The following DRAM2 variants were observed in gnomAD, a reference collection of about 807,000 sequenced individuals.
DRAM2 encodes DNA damage regulated autophagy modulator 2.
In DRAM2, 26 loss-of-function variants were observed where a neutral mutation model predicts 33.5. The observed-to-expected ratio is 0.78, with a 90% CI of 0.57 to 1.08. DRAM2 has a LOEUF of 1.08. Ranked by LOEUF, DRAM2 falls within the 50% of genes least tolerant of loss-of-function variation. DRAM2 has a pLI of 0.00. For synonymous variants in DRAM2, 98 were observed against 109.5 expected (o/e 0.89, Z 0.66); for missense variants, 311 against 318.1 (o/e 0.98, Z 0.17).
intron 3 of DRAM2, 48 bp downstream of exon 3, chr1:111,137,475 G>A (rs538919912): frequency 6.6e-6 from 1 of 152,234 alleles, no homozygotes; most frequent in African/African-American, 2.4e-5. Context: ...TATTTTCAGA[G>A]ATGATCAGTA....
At chr1:111,131,329 T>C in intron 4 of DRAM2, 95 bp downstream of exon 4, 2 of 1,341,592 alleles carry the variant, frequency 1.5e-6, no homozygotes, top group Non-Finnish European at 2.0e-6. Flanking sequence ...ATGTAAAATC[T>C]GATTTTTAAA....
At chr1:111,122,340 G>A (rs1650203604) in intron 6 of DRAM2, among the ~76,000 whole-genome samples, 2 of 152,204 alleles carry the variant, frequency 1.3e-5, no homozygotes, top group South Asian at 4.1e-4. Flanking sequence ...TCAGATGAGA[G>A]ATGATGAAAT....
chr1:111,137,029 G>A (rs550428957), intron 3 of DRAM2, among the ~76,000 whole-genome samples: 7 of 150,254 alleles, frequency 4.7e-5, no homozygotes, highest in Admixed American at 1.3e-4. Flanking sequence ...CGAGGCAGGC[G>A]GATCACGAGG....
intron 4 of DRAM2, 42 bp from the exon 5 acceptor site, chr1:111,126,336 A>G: frequency 9.0e-7 from 1 of 1,116,328 alleles, no homozygotes; most frequent in Non-Finnish European, 1.4e-6. Context: ...CTCATACTAG[A>G]TAAACACATA....
chr1:111,137,463 CT>C (rs1223646095), intron 3 of DRAM2, 59 bp downstream of exon 3: 1 of 152,074 alleles, frequency 6.6e-6, no homozygotes, highest in Middle Eastern at 3.2e-3. Flanking sequence ...AAATAAGATA[CT>C]TATTTTCAGA....
intron 6 of DRAM2, among the ~76,000 whole-genome samples, chr1:111,121,848 C>T (rs1284253371): frequency 6.6e-6 from 1 of 151,764 alleles, no homozygotes; most frequent in African/African-American, 2.4e-5. Context: ...GTGAACGTTT[C>T]GAAACCATTG....
At chr1:111,130,713 AGTT>A (rs1557896310) in intron 4 of DRAM2, among the ~76,000 whole-genome samples, 18 of 149,190 alleles carry the variant, frequency 1.2e-4, no homozygotes, top group East Asian at 2.0e-4. Flanking sequence ...AAAAAAAAAA[AGTT>A]TGGGTGCAGT....
chr1:111,126,753 T>C (rs562217566), intron 4 of DRAM2, among the ~76,000 whole-genome samples: 3 of 152,312 alleles, frequency 2.0e-5, no homozygotes, highest in Admixed American at 2.0e-4. Context: ...GCACTTACCA[T>C]GTGCCAGACA....
chr1:111,138,780 TAAAA>T, intron 2 of DRAM2, among the ~76,000 whole-genome samples: 1 of 151,368 alleles, frequency 6.6e-6, no homozygotes, highest in East Asian at 1.9e-4. Context: ...GATACTCCAT[TAAAA>T]AAAAAGAAAA....
intron 2 of DRAM2, among the ~76,000 whole-genome samples, 174 bp downstream of exon 2, chr1:111,139,327 G>C (rs1653987407): frequency 6.6e-6 from 1 of 152,192 alleles, no homozygotes; most frequent in South Asian, 2.1e-4. Context: ...GCACGGTTGT[G>C]AAGATACCCA....
intron 5 of DRAM2, 29 bp from the exon 6 acceptor site, chr1:111,124,910 A>C: frequency 6.2e-7 from 1 of 1,604,014 alleles, no homozygotes; most frequent in Non-Finnish European, 8.5e-7. Context: ...AAAAACAACA[A>C]AGTAATAAAT....
In DRAM2 at chr1:111,117,856, T is replaced by G; in HGVS notation, c.*304A>C. On this transcript the variant is annotated 3_prime_UTR_variant, in exon 10 of 10. Coordinates refer to ENST00000484310, the MANE Select transcript of DRAM2 (RefSeq NM_001349884.2). ...TGAAGGGTTGGGATGTGCAGACTGA[T>G]TGGTGCACGTCAGGTTGTTTCTCTT... The G allele has an allele frequency of 1.3e-5, 4 of 308,368 alleles. No individual in the cohort carries two copies. Among genetic ancestry groups the G allele is most frequent in the East Asian group, 8.0e-5 (1 of 12,496 alleles). The allele number at this position is 308,368 out of a possible 1,614,324, so 19.1% of individuals were successfully genotyped here. A position where few individuals can be genotyped will look rare whatever the true frequency, so the allele number is the denominator to read the frequency against.
chr1:111,126,924 A>G (rs1411345211), intron 4 of DRAM2, among the ~76,000 whole-genome samples: 1 of 152,064 alleles, frequency 6.6e-6, no homozygotes, highest in Non-Finnish European at 1.5e-5. Context: ...AACTTCTATA[A>G]ACTCACTTAC....
intron 8 of DRAM2, 188 bp downstream of exon 8, chr1:111,119,689 T>A (rs1414482955): frequency 1.7e-6 from 1 of 576,720 alleles, no homozygotes; most frequent in Non-Finnish European, 3.1e-6. Context: ...TATCTACAGA[T>A]CACAGGTGAC....
intron 8 of DRAM2, 95 bp downstream of exon 8, chr1:111,119,782 C>T: frequency 1.9e-6 from 2 of 1,034,408 alleles, no homozygotes; most frequent in African/African-American, 1.6e-5. Flanking sequence ...TACCAGAAGA[C>T]TTTCATTGTT....
chr1:111,118,494 A>C, intron 9 of DRAM2: 3 of 499,002 alleles, frequency 6.0e-6, no homozygotes, highest in Non-Finnish European at 1.0e-5. Flanking sequence ...TCTACTAAGA[A>C]TCAGTAAAAC....
At chr1:111,120,949 T>C (rs1319884405) in intron 6 of DRAM2, among the ~76,000 whole-genome samples, 1 of 152,180 alleles carries the variant, frequency 6.6e-6, no homozygotes, top group Admixed American at 6.6e-5. Context: ...TTTATTATTT[T>C]CTTCATTTAA....
Position 111,118,072 on chromosome 1 carries a change from A to C in DRAM2, c.*88T>G. 1 of 1,293,244 alleles carries C rather than the reference A, an allele frequency of 7.7e-7. No homozygotes were observed. Among genetic ancestry groups the C allele is most frequent in the Non-Finnish European group, 1.1e-6 (1 of 894,604 alleles). The allele number at this position is 1,293,244 out of a possible 1,614,324, so 80.1% of individuals were successfully genotyped here. A position where few individuals can be genotyped will look rare whatever the true frequency, so the allele number is the denominator to read the frequency against. On this transcript the variant is annotated 3_prime_UTR_variant, in exon 10 of 10. Transcript: ENST00000484310. ...ACTGTCAGCCTTGATTAAGTGGTTGAAAATTTCAGAGAAGAATAAGCAACT... is the reference window on the plus strand; with the variant it reads ...ACTGTCAGCCTTGATTAAGTGGTTGCAAATTTCAGAGAAGAATAAGCAACT...
intron 6 of DRAM2, among the ~76,000 whole-genome samples, chr1:111,124,007 T>C (rs1001501050): frequency 6.6e-6 from 1 of 152,200 alleles, no homozygotes; most frequent in Non-Finnish European, 1.5e-5. Context: ...TATTCTTTTA[T>C]AGCACACAAA....
Sources: gnomAD v4.1 joint callset for allele counts (sites outside exome capture counted in the v4.1 genomes callset) on GRCh38, gnomAD v4.1.1 for gene constraint, MANE v1.5 for transcripts, NCBI Gene and HGNC (gene_info 2026-07-23, HGNC 2026-07-21) for gene names.